Variants in TDRD5 observed in about 807,000 individuals in gnomAD.
The protein encoded by TDRD5 is tudor domain-containing protein 5.
Under a neutral mutation model 120.6 loss-of-function variants are expected in TDRD5, and 41 were observed. That is an observed-to-expected ratio of 0.34 (90% CI 0.26 to 0.44). The LOEUF is 0.44. Ranked by LOEUF, TDRD5 falls within the 20% of genes least tolerant of loss-of-function variation. TDRD5 has a pLI of 1.00. For synonymous variants in TDRD5, 430 were observed against 433.7 expected (o/e 0.99, Z 0.11); for missense variants, 1,006 against 1,221.2 (o/e 0.82, Z 2.63).
chr1:179,669,024 G>A (rs1387472999), intron 16 of TDRD5, among the ~76,000 whole-genome samples, 170 bp from the exon 17 acceptor site: 1 of 152,082 alleles, frequency 6.6e-6, no homozygotes, highest in African/African-American at 2.4e-5. Context: ...GATTACAGGC[G>A]TGAGCCACCG....
intron 17 of TDRD5, among the ~76,000 whole-genome samples, chr1:179,690,142 T>C (rs2147837174): frequency 6.6e-6 from 1 of 152,364 alleles, no homozygotes; most frequent in Middle Eastern, 3.4e-3. Context: ...TCTTCTGCGT[T>C]GCTCACACTG....
intron 14 of TDRD5, among the ~76,000 whole-genome samples, chr1:179,656,143 G>A (rs904527999): frequency 6.6e-6 from 1 of 152,194 alleles, no homozygotes; most frequent in Non-Finnish European, 1.5e-5. Context: ...TTTAATAGGT[G>A]TGTAGTAGTA....
chr1:179,645,438 T>A (rs186820562), intron 11 of TDRD5, among the ~76,000 whole-genome samples: 44 of 152,350 alleles, frequency 2.9e-4, no homozygotes, highest in African/African-American at 1.0e-3. Context: ...TTAAATACAC[T>A]GTGGTCAGAG....
chr1:179,632,904 T>TA (rs762976053), intron 7 of TDRD5, among the ~76,000 whole-genome samples: 5 of 152,184 alleles, frequency 3.3e-5, no homozygotes, highest in Admixed American at 6.5e-5. Flanking sequence ...TCAGAACACT[T>TA]ACATTAGCCT....
intron 4 of TDRD5, among the ~76,000 whole-genome samples, chr1:179,613,672 G>T (rs753996263): frequency 6.6e-6 from 1 of 152,160 alleles, no homozygotes; most frequent in Non-Finnish European, 1.5e-5. Flanking sequence ...AGGGGCAAGG[G>T]ATCTCGCCAA....
At chr1:179,634,982 C>T (rs1379794630) in intron 8 of TDRD5, among the ~76,000 whole-genome samples, 1 of 152,170 alleles carries the variant, frequency 6.6e-6, no homozygotes, top group African/African-American at 2.4e-5. Context: ...CTACACTCAT[C>T]CTCAATTATA....
intron 14 of TDRD5, among the ~76,000 whole-genome samples, chr1:179,659,104 T>C (rs988055516): frequency 6.6e-6 from 1 of 152,228 alleles, no homozygotes; most frequent in Non-Finnish European, 1.5e-5. Flanking sequence ...AGTATGGTCT[T>C]AGAACACAGT....
At chr1:179,602,637 C>T (rs1675778517) in intron 4 of TDRD5, among the ~76,000 whole-genome samples, 1 of 152,106 alleles carries the variant, frequency 6.6e-6, no homozygotes, top group Admixed American at 6.5e-5. Flanking sequence ...AAAGGGTGTC[C>T]TTTCCCCACT....
At chr1:179,629,851 T>G (rs1179571943) in intron 6 of TDRD5, among the ~76,000 whole-genome samples, 1 of 152,236 alleles carries the variant, frequency 6.6e-6, no homozygotes, top group Non-Finnish European at 1.5e-5. Context: ...GGAATGTATT[T>G]TATGTGTCTA....
intron 4 of TDRD5, among the ~76,000 whole-genome samples, chr1:179,598,838 C>T (rs1314859083): frequency 6.6e-6 from 1 of 152,002 alleles, no homozygotes; most frequent in African/African-American, 2.4e-5. Flanking sequence ...GTTTTACTTC[C>T]TCCTTTTCAA....
In TDRD5 at chr1:179,592,720, C is replaced by T. The variant is rs776559001; in HGVS notation, c.105C>T (p.Tyr35=). 1.2e-6 allele frequency: 2 copies of T among 1,614,066 alleles called. No homozygotes were observed. Among genetic ancestry groups the T allele is most frequent in the South Asian group, 2.2e-5 (2 of 91,070 alleles). ...GCCCACAGGAGTTGGAGAAGGAGTA[C>T]CTTTTGATGGTTGGCAACCATCTAC... ...GLSPQELEKE[Y]LLMVGNHLPL... is the part of the protein sequence containing the mutation. The change falls in exon 2 of 18, where the codon TAC becomes TAT. Residue 35 remains tyrosine, a synonymous_variant. Coordinates refer to ENST00000444136, the MANE Select transcript of TDRD5 (RefSeq NM_001199085.3).
At chr1:179,638,089 G>T (rs115666918) in intron 9 of TDRD5, among the ~76,000 whole-genome samples, 1 of 152,142 alleles carries the variant, frequency 6.6e-6, no homozygotes, top group African/African-American at 2.4e-5. Flanking sequence ...GAGTCAGGAA[G>T]GGGGAGAGAG....
chr1:179,683,375 A>T (rs1297402357), intron 17 of TDRD5, among the ~76,000 whole-genome samples: 2 of 152,208 alleles, frequency 1.3e-5, no homozygotes, highest in East Asian at 3.8e-4. Flanking sequence ...ATCTTTGGTC[A>T]CGTGTTCCTG....
intron 11 of TDRD5, among the ~76,000 whole-genome samples, chr1:179,643,658 A>G (rs1237586144): frequency 1.3e-5 from 2 of 152,194 alleles, no homozygotes. Flanking sequence ...GAAGAAGAGC[A>G]TAAAAAATAA....
At chr1:179,665,164 T>C (rs142372655) in intron 16 of TDRD5, among the ~76,000 whole-genome samples, 42 of 152,286 alleles carry the variant, frequency 2.8e-4, no homozygotes, top group African/African-American at 9.1e-4. Context: ...TACAAGTCCC[T>C]TATGAGATAT....
Position 179,618,777 on chromosome 1 carries a change from C to T in TDRD5, c.915+95C>T, listed in dbSNP as rs1332660433. On this transcript the variant is annotated intron_variant, in intron 5 of 17. Transcript: ENST00000444136. ...TTTGTCTGCAAGTATTAATTTACAT[C>T]TAATCTTTAATATACTGCAAACTAA... 11 of 879,392 alleles carry T rather than the reference C, an allele frequency of 1.3e-5. No homozygotes were observed. In the Middle Eastern group the frequency reaches 1.1e-3, roughly 89 times the overall value. The allele number at this position is 879,392 out of a possible 1,614,324, so 54.5% of individuals were successfully genotyped here.
At chr1:179,608,214 CTTTG>C (rs71675447) in intron 4 of TDRD5, among the ~76,000 whole-genome samples, 1,582 of 151,902 alleles carry the variant, frequency 0.01, 30 homozygotes, top group African/African-American at 0.035. Flanking sequence ...AGGATTTTCT[CTTTG>C]TTTGGTTTTC....
chr1:179,592,421 T>C (rs1675158067), intron 1 of TDRD5, 181 bp from the exon 2 acceptor site: 2 of 563,234 alleles, frequency 3.6e-6, no homozygotes, highest in Non-Finnish European at 6.3e-6. Flanking sequence ...TCAACGCAGG[T>C]GGAGATTCAG....
intron 17 of TDRD5, among the ~76,000 whole-genome samples, chr1:179,682,484 CAT>C (rs966932252): frequency 2.0e-5 from 3 of 152,120 alleles, no homozygotes; most frequent in Admixed American, 2.0e-4. Flanking sequence ...TCAGTGAGAA[CAT>C]GTGGTGTTTG....
Sources: allele counts gnomAD v4.1 joint callset (sites outside exome capture counted in the v4.1 genomes callset), GRCh38; gene constraint gnomAD v4.1.1; transcripts MANE v1.5; gene names NCBI Gene and HGNC (gene_info 2026-07-23, HGNC 2026-07-21).